The following GRM5 variants were observed in gnomAD, a reference collection of about 807,000 sequenced individuals.
GRM5 encodes the protein metabotropic glutamate receptor 5.
Under a neutral mutation model 83.1 loss-of-function variants are expected in GRM5, and 19 were observed. The ratio of observed to expected loss-of-function variants is 0.23; its 90% CI spans 0.16 to 0.34. The LOEUF (loss-of-function observed/expected upper bound fraction) is 0.34, where lower values mean the gene tolerates loss of function less well. Ranked by LOEUF, GRM5 falls within the 10% of genes least tolerant of loss-of-function variation. The pLI is 1.00. For synonymous variants in GRM5, 675 were observed against 633.6 expected, an observed-to-expected ratio of 1.07 and a Z score of -0.98; for missense variants, 1,160 against 1,588.3, an observed-to-expected ratio of 0.73 and a Z score of 4.58.
chr11:88,865,726 C>T (rs1260984083), intron 2 of GRM5, among the ~76,000 whole-genome samples: 1 of 151,294 alleles, frequency 6.6e-6, no homozygotes. Context: ...AAAAAAACAA[C>T]CCCATGAAAA....
At chr11:88,793,868 G>A (rs961889418) in intron 3 of GRM5, among the ~76,000 whole-genome samples, 4 of 152,070 alleles carry the variant, frequency 2.6e-5, no homozygotes, top group Admixed American at 6.6e-5. Flanking sequence ...CTCTGTCACC[G>A]TGGCTAAAGT....
At chr11:88,556,331 T>TTC (rs1362250350) in intron 8 of GRM5, among the ~76,000 whole-genome samples, 1 of 151,054 alleles carries the variant, frequency 6.6e-6, no homozygotes, top group East Asian at 1.9e-4. Context: ...TTTCTTTTTT[T>TTC]TTTTTTTTTT....
At chr11:88,877,829 G>GAAAAA (rs60787581) in intron 2 of GRM5, among the ~76,000 whole-genome samples, 2 of 137,064 alleles carry the variant, frequency 1.5e-5, no homozygotes, top group Non-Finnish European at 3.1e-5. Context: ...CTCTGTGGAA[G>GAAAAA]AAAAAAAAAA....
chr11:89,042,226 C>T (rs1202291041), intron 2 of GRM5, among the ~76,000 whole-genome samples: 1 of 152,038 alleles, frequency 6.6e-6, no homozygotes, highest in African/African-American at 2.4e-5. Context: ...GTTATTAACA[C>T]TTTCAGCCAA....
At chr11:88,588,701 C>G (rs756836656) in intron 7 of GRM5, among the ~76,000 whole-genome samples, 1 of 152,082 alleles carries the variant, frequency 6.6e-6, no homozygotes, top group Non-Finnish European at 1.5e-5. Flanking sequence ...ATTTAAATTA[C>G]GACCTCTCGG....
chr11:88,700,210 G>A (rs1387494734), intron 3 of GRM5, among the ~76,000 whole-genome samples: 3 of 152,102 alleles, frequency 2.0e-5, no homozygotes, highest in Non-Finnish European at 4.4e-5. Context: ...TGAACCTATG[G>A]GAGTGGCCAG....
intron 7 of GRM5, among the ~76,000 whole-genome samples, chr11:88,581,677 T>C (rs1943215233): frequency 6.6e-6 from 1 of 152,230 alleles, no homozygotes; most frequent in African/African-American, 2.4e-5. Flanking sequence ...GGGAATTCTA[T>C]TGTTAAACAA....
At chr11:88,878,644 A>C (rs1944898255) in intron 2 of GRM5, among the ~76,000 whole-genome samples, 1 of 152,170 alleles carries the variant, frequency 6.6e-6, no homozygotes, top group Non-Finnish European at 1.5e-5. Context: ...CAGGCCCAAA[A>C]TCCATTAGGT....
intron 2 of GRM5, among the ~76,000 whole-genome samples, chr11:88,877,989 A>T (rs1944888513): frequency 6.6e-6 from 1 of 152,174 alleles, no homozygotes. Context: ...CATGTACCCT[A>T]AAACTTAAAG....
Position 88,508,621 on chromosome 11 carries a change from C to G in GRM5, c.3610G>C (p.Asp1204His), listed in dbSNP as rs1167819664. 1 of 1,610,164 alleles carries G rather than the reference C, an allele frequency of 6.2e-7. No homozygotes were observed. The highest frequency in any genetic ancestry group is 1.3e-5 in the African/African-American group (1 of 74,286). The change falls in exon 10 of 10, where the codon GAT (aspartate) becomes CAT (histidine). Residue 1204 changes from aspartate (D) to histidine (H), a missense_variant. By Grantham distance (81) the Asp-to-His change is moderately conservative. Around this residue, in one of 9 missense-constraint regions of GRM5, gnomAD observed 562 missense variants for 532.4 expected, o/e 1.06. Transcript: ENST00000305447. The surrounding 1 kb of genome is among the most constrained non-coding windows in gnomAD (Gnocchi z 4.2). ...SPKYDTLIIR[D>H]YTQSSSSL is the part of the protein sequence containing the mutation. ...AACGACGAGGAGCTCTGAGTGTAAT[C>G]TCTTATGATAAGAGTGTCATATTTG...
intron 9 of GRM5, among the ~76,000 whole-genome samples, chr11:88,518,700 T>C (rs1941593394): frequency 6.6e-6 from 1 of 151,944 alleles, no homozygotes; most frequent in South Asian, 2.1e-4. Flanking sequence ...CATCCAAATC[T>C]TGGCCTTATT....
chr11:88,819,903 T>C (rs1449950448), intron 3 of GRM5, among the ~76,000 whole-genome samples: 1 of 152,094 alleles, frequency 6.6e-6, no homozygotes, highest in Non-Finnish European at 1.5e-5. Context: ...GCTGAACTCA[T>C]CTTTTTTACT....
intron 3 of GRM5, among the ~76,000 whole-genome samples, chr11:88,775,825 T>C (rs1942834527): frequency 6.6e-6 from 1 of 152,232 alleles, no homozygotes; most frequent in Non-Finnish European, 1.5e-5. Flanking sequence ...TGATTTCTGC[T>C]TTTTTACATT....
intron 3 of GRM5, among the ~76,000 whole-genome samples, chr11:88,810,416 T>A (rs1020748529): frequency 1.3e-5 from 2 of 152,082 alleles, no homozygotes; most frequent in African/African-American, 4.8e-5. Flanking sequence ...TGTACAAACA[T>A]CTGTAGCTAC....
Position 88,859,864 on chromosome 11 carries a change from C to T in GRM5, c.662-9709G>A, listed in dbSNP as rs1590918450. On this transcript the variant is annotated intron_variant, in intron 2 of 9. Transcript: ENST00000305447. Reference sequence around the variant, plus strand: ...AAGATTACAGATGTATGTGATTTAGCACTAAATGATTCAGTCCCCATGTTG... The same window carrying T: ...AAGATTACAGATGTATGTGATTTAGTACTAAATGATTCAGTCCCCATGTTG... Among the ~76,000 whole-genome samples the T allele has an allele frequency of 2.0e-5, 3 of 152,220 alleles. No homozygotes were observed. The East Asian group carries it at 5.8e-4, about 29-fold the overall frequency.
chr11:88,508,875 G>T lies in GRM5; in HGVS notation c.3356C>A (p.Pro1119Gln), dbSNP rs1170110077. ...MTTFAEIQPL[P>Q]AIEVTGGAQP... ...CGCGCCTCCCGTGACTTCGATGGCC[G>T]GCAGAGGCTGGATTTCGGCAAAGGT... Residue 1119 changes from proline (P) to glutamine (Q), a missense_variant, in exon 10 of 10, where the codon CCG becomes CAG. Coordinates refer to ENST00000305447, the MANE Select transcript of GRM5 (RefSeq NM_001143831.3). This position sits in a 1 kb window ranked among gnomAD's most constrained non-coding sequence, Gnocchi z 4.2. The T allele has an allele frequency of 3.8e-6, 6 of 1,587,870 alleles. No homozygotes were observed. The highest frequency in any genetic ancestry group is 4.3e-6 in the Non-Finnish European group (5 of 1,168,598).
chr11:88,760,091 A>G (rs1056352520), intron 3 of GRM5, among the ~76,000 whole-genome samples: 3 of 152,180 alleles, frequency 2.0e-5, no homozygotes, highest in Non-Finnish European at 4.4e-5. Context: ...AAGGAAATTT[A>G]TAGCACTAAA....
In GRM5 at chr11:88,959,109, T is replaced by C. The variant is rs1938709019; in HGVS notation, c.661+88103A>G. Among the ~76,000 whole-genome samples, 6 of 152,256 alleles carry C rather than the reference T, an allele frequency of 3.9e-5. No homozygotes were observed. In the South Asian group the frequency reaches 1.2e-3, roughly 32 times the overall value. ...ATTTTAATACTATATAAAAATAGTT[T>C]TGACCTCACAGGACCTGTGAAAGGA... On this transcript the variant is annotated intron_variant, in intron 2 of 9. Transcript: ENST00000305447.
intron 1 of GRM5, among the ~76,000 whole-genome samples, chr11:89,054,295 G>C (rs1591081925): frequency 6.6e-6 from 1 of 152,116 alleles, no homozygotes. Context: ...TGGAGAAAGA[G>C]AAAAATCAAT....
Sources: allele counts gnomAD v4.1 joint callset (sites outside exome capture counted in the v4.1 genomes callset), GRCh38; gene constraint gnomAD v4.1.1; regional missense constraint gnomAD v4.1.1; non-coding constraint Gnocchi (gnomAD v3.1); transcripts MANE v1.5; gene names NCBI Gene and HGNC (gene_info 2026-07-23, HGNC 2026-07-21).